Variants in GSN observed in about 807,000 individuals in gnomAD.
The protein encoded by GSN is actin-depolymerizing factor.
A neutral mutation model predicts 85.7 loss-of-function variants in GSN; 56 were observed. The observed-to-expected ratio is 0.65, with a 90% CI of 0.53 to 0.82. The LOEUF (loss-of-function observed/expected upper bound fraction) is 0.82, where lower values mean the gene tolerates loss of function less well. Ranked by LOEUF, GSN falls within the 40% of genes least tolerant of loss-of-function variation. The pLI is 0.00. For synonymous variants in GSN, 373 were observed against 399.1 expected (o/e 0.93, Z 0.78); for missense variants, 857 against 979.8 (o/e 0.87, Z 1.67).
chr9:121,292,956 C>G (rs920294133), intron 2 of GSN, among the ~76,000 whole-genome samples: 1 of 152,140 alleles, frequency 6.6e-6, no homozygotes, highest in African/African-American at 2.4e-5. Flanking sequence ...GCACTTTGAC[C>G]CCGATTTTCC....
intron 5 of GSN, among the ~76,000 whole-genome samples, chr9:121,233,668 T>G (rs2054436488): frequency 6.6e-6 from 1 of 152,094 alleles, no homozygotes. Flanking sequence ...CCCAGCCAAC[T>G]CATAGAACCA....
chr9:121,298,681 G>A (rs141566475), intron 2 of GSN, among the ~76,000 whole-genome samples: 1 of 152,240 alleles, frequency 6.6e-6, no homozygotes, highest in Non-Finnish European at 1.5e-5. Context: ...ATGAAAGCCA[G>A]CTCTCCAACT....
At position 121,332,330 on chromosome 9, in the gene GSN, A is replaced by G. The variant is rs2064026783; in HGVS notation, c.2027-104A>G. 4.7e-6 allele frequency: 5 copies of G among 1,053,902 alleles called. No individual in the cohort carries two copies. Among genetic ancestry groups the G allele is most frequent in the Non-Finnish European group, 7.5e-6 (5 of 669,994 alleles). 65.3% of individuals were successfully genotyped at this position (1,053,902 alleles called of 1,614,324 possible). ...GGTGGGCAGTAGGGACAGTAGGACCATAGACCCTCTTCTTTGTCAACTCCT... is the reference window on the plus strand; with the variant it reads ...GGTGGGCAGTAGGGACAGTAGGACCGTAGACCCTCTTCTTTGTCAACTCCT... On this transcript the variant is annotated intron_variant, in intron 17 of 17. Coordinates refer to ENST00000432226, the MANE Select transcript of GSN (RefSeq NM_198252.3). This position sits in a 1 kb window ranked among gnomAD's most constrained non-coding sequence, Gnocchi z 4.8.
intron 5 of GSN, among the ~76,000 whole-genome samples, chr9:121,236,761 T>G (rs181385412): frequency 5.9e-5 from 9 of 152,122 alleles, no homozygotes; most frequent in East Asian, 3.9e-4. Flanking sequence ...GGAATAAAAC[T>G]CCAAAACTTC....
rs1474865236 is a variant in GSN, at chr9:121,261,787, T to C, written c.-340-3367T>C. ...GTTCCCATGATGACACCAGCCACTG[T>C]TGACAGAGCCCTTTATATGCCTGAG... On this transcript the variant is annotated intron_variant, in intron 6 of 24. Coordinates refer to the GSN transcript ENST00000373823. This position sits in a 1 kb window ranked among gnomAD's most constrained non-coding sequence, Gnocchi z 4.1. Among the ~76,000 whole-genome samples the C allele has an allele frequency of 2.0e-5, 3 of 152,224 alleles. No individual in the cohort carries two copies. Among genetic ancestry groups the C allele is most frequent in the Non-Finnish European group, 4.4e-5 (3 of 68,038 alleles).
At chr9:121,316,651 T>G (rs2061739135) in intron 7 of GSN, among the ~76,000 whole-genome samples, 1 of 152,046 alleles carries the variant, frequency 6.6e-6, no homozygotes, top group African/African-American at 2.4e-5. Flanking sequence ...TTGTATTTTT[T>G]GTAGAGATGG....
intron 2 of GSN, chr9:121,297,890 G>C (rs558357218): frequency 5.3e-5 from 8 of 152,290 alleles, no homozygotes; most frequent in Non-Finnish European, 7.4e-5. Flanking sequence ...TGTGTGTTTT[G>C]AGTTTGGATA....
intron 5 of GSN, among the ~76,000 whole-genome samples, chr9:121,236,509 G>T (rs1043562048): frequency 6.6e-6 from 1 of 152,022 alleles, no homozygotes; most frequent in Non-Finnish European, 1.5e-5. Flanking sequence ...CACCATGCCC[G>T]GCCAACATGT....
At chr9:121,244,192 T>C (rs117359481) in intron 5 of GSN, among the ~76,000 whole-genome samples, 2,777 of 152,340 alleles carry the variant, frequency 0.018, 38 homozygotes, top group Non-Finnish European at 0.024. Context: ...CTTTTTATCA[T>C]TGGGTAGCAA....
chr9:121,238,566 G>T, intron 5 of GSN: 1 of 197,856 alleles, frequency 5.1e-6, no homozygotes, highest in South Asian at 9.1e-5. Flanking sequence ...CTTATTGTGG[G>T]ACTATACTTT....
intron 2 of GSN, among the ~76,000 whole-genome samples, chr9:121,294,979 C>G (rs1161409775): frequency 6.6e-6 from 1 of 152,212 alleles, no homozygotes; most frequent in African/African-American, 2.4e-5. Context: ...ACCTGAGGCT[C>G]AGAGAGGGAA....
At chr9:121,304,319 G>T (rs1454994386) in intron 4 of GSN, among the ~76,000 whole-genome samples, 9 of 152,250 alleles carry the variant, frequency 5.9e-5, no homozygotes, top group African/African-American at 2.2e-4. Flanking sequence ...CTTGCACTGA[G>T]CTCCTCCTGC....
intron 10 of GSN, among the ~76,000 whole-genome samples, chr9:121,320,085 T>C (rs1280200129): frequency 6.6e-6 from 1 of 152,206 alleles, no homozygotes; most frequent in Non-Finnish European, 1.5e-5. Flanking sequence ...GCAAGTTACA[T>C]AACCTCTTTG....
intron 4 of GSN, among the ~76,000 whole-genome samples, chr9:121,306,223 T>C (rs780729493): frequency 1.3e-5 from 2 of 152,178 alleles, no homozygotes; most frequent in Non-Finnish European, 2.9e-5. Context: ...AGGAACACAA[T>C]TGGGAACCCA....
chr9:121,266,967 AAAC>A (rs1347855865), upstream of GSN, among the ~76,000 whole-genome samples: 1 of 152,202 alleles, frequency 6.6e-6, no homozygotes, highest in Non-Finnish European at 1.5e-5. Context: ...TGTGCTACTT[AAAC>A]AACAGCCTTT....
chr9:121,317,027 C>T (rs2061789955), intron 7 of GSN, 59 bp from the exon 8 acceptor site: 1 of 1,611,498 alleles, frequency 6.2e-7, no homozygotes, highest in Non-Finnish European at 8.5e-7. Context: ...TGGTGGAAGT[C>T]TCAGGGCTGG....
Position 121,225,768 on chromosome 9 carries a change from A to C in GSN, c.-527-5397A>C, listed in dbSNP as rs375946601. Among the ~76,000 whole-genome samples, 51 of 152,286 alleles carry C rather than the reference A, an allele frequency of 3.3e-4. 1 individual carries two copies. The South Asian group carries it at 9.7e-3, about 29-fold the overall frequency. Reference sequence around the variant, plus strand: ...ATGTTTTTGAGGAATGAATAAGATGATTAGCGTAGACTGCCCAGCACACAG... The same window carrying C: ...ATGTTTTTGAGGAATGAATAAGATGCTTAGCGTAGACTGCCCAGCACACAG... On this transcript the variant is annotated intron_variant, in intron 4 of 24. Coordinates refer to the GSN transcript ENST00000373823.
intron 4 of GSN, among the ~76,000 whole-genome samples, chr9:121,221,116 AC>A (rs1327384008): frequency 2.0e-5 from 3 of 152,020 alleles, no homozygotes; most frequent in African/African-American, 7.3e-5. Flanking sequence ...TCTGGCAGAG[AC>A]CCCGAGGAGG....
upstream of GSN, chr9:121,203,505 A>T (rs1333553321): frequency 1.3e-5 from 2 of 152,274 alleles, no homozygotes; most frequent in Admixed American, 1.3e-4. Flanking sequence ...TGCATACTGT[A>T]CTGTGCCTAA....
Sources: allele counts gnomAD v4.1 joint callset (sites outside exome capture counted in the v4.1 genomes callset), GRCh38; gene constraint gnomAD v4.1.1; non-coding constraint Gnocchi (gnomAD v3.1); transcripts MANE v1.5; gene names NCBI Gene and HGNC (gene_info 2026-07-23, HGNC 2026-07-21).